The following CLMN variants were observed in gnomAD, a reference collection of about 807,000 sequenced individuals.
CLMN encodes the protein calmin, also known as calmin (calponin-like, transmembrane).
CLMN carries 57 observed loss-of-function variants against 92.7 expected under a neutral mutation model. The ratio of observed to expected loss-of-function variants is 0.61; its 90% CI spans 0.50 to 0.77. CLMN has a LOEUF of 0.77. CLMN is among the 30% of genes least tolerant of loss of function. CLMN has a pLI of 0.00. For missense variants in CLMN, 1,158 were observed against 1,237.5 expected, an observed-to-expected ratio of 0.94 and a Z score of 0.96; for synonymous variants, 466 against 470.6, an observed-to-expected ratio of 0.99 and a Z score of 0.13.
At chr14:95,231,193 C>CTT (rs59211402) in intron 1 of CLMN, among the ~76,000 whole-genome samples, 25 of 137,320 alleles carry the variant, frequency 1.8e-4, no homozygotes, top group African/African-American at 3.5e-4. Context: ...AATCCTCTAA[C>CTT]TTTTTTTTTT....
intron 1 of CLMN, among the ~76,000 whole-genome samples, chr14:95,297,919 G>A (rs1900879355): frequency 6.6e-6 from 1 of 151,794 alleles, no homozygotes; most frequent in South Asian, 2.1e-4. Flanking sequence ...CATTTCCCTT[G>A]GCAAATACCT....
chr14:95,245,213 TATATA>T (rs1898456444), intron 1 of CLMN, among the ~76,000 whole-genome samples: 1 of 31,762 alleles, frequency 3.1e-5, no homozygotes, highest in African/African-American at 1.9e-4. Context: ...ATATATTATA[TATATA>T]TATATATTAT....
intron 1 of CLMN, among the ~76,000 whole-genome samples, chr14:95,231,557 T>C (rs1381139143): frequency 1.3e-5 from 2 of 151,932 alleles, no homozygotes; most frequent in African/African-American, 2.4e-5. Context: ...CATGGAAAAA[T>C]TTTCTTCCAC....
chr14:95,245,210 A>AATATATATATATAT (rs1898450947), intron 1 of CLMN, among the ~76,000 whole-genome samples: 7 of 24,172 alleles, frequency 2.9e-4, no homozygotes, highest in Admixed American at 7.4e-4. Flanking sequence ...TATATATATT[A>AATATATATATATAT]TATATATATA....
In CLMN at chr14:95,278,398, G is replaced by C. The variant is rs993441703; in HGVS notation, c.82+41313C>G. ...AAAAGTTTTTTCTTCTTGGTGAACT[G>C]AGTCGTTTTTCTCCATCTTATCTTC... On this transcript the variant is annotated intron_variant, in intron 1 of 12. Transcript: ENST00000298912. Among the ~76,000 whole-genome samples the C allele has an allele frequency of 1.1e-4, 17 of 152,102 alleles. 1 individual carries two copies. The highest frequency in any genetic ancestry group is 1.9e-4 in the African/African-American group (8 of 41,418).
intron 12 of CLMN, among the ~76,000 whole-genome samples, chr14:95,193,601 C>G (rs904395750): frequency 7.9e-5 from 12 of 152,290 alleles, no homozygotes; most frequent in African/African-American, 2.9e-4. Flanking sequence ...AACCCAGACC[C>G]GTCTTTAAAC....
At chr14:95,219,902 A>G (rs1897473652) in intron 4 of CLMN, among the ~76,000 whole-genome samples, 1 of 152,340 alleles carries the variant, frequency 6.6e-6, no homozygotes, top group South Asian at 2.1e-4. Context: ...AATCAATTTT[A>G]GAACATTTTC....
chr14:95,264,884 G>A (rs1241253508), intron 1 of CLMN, among the ~76,000 whole-genome samples: 1 of 149,542 alleles, frequency 6.7e-6, no homozygotes, highest in Non-Finnish European at 1.5e-5. Flanking sequence ...ACCAGCCTGG[G>A]CAACATGGAT....
intron 12 of CLMN, chr14:95,193,331 C>T (rs1471438171): frequency 2.0e-6 from 3 of 1,533,744 alleles, no homozygotes; most frequent in Admixed American, 2.0e-5. Flanking sequence ...TCATAGACAT[C>T]CTGGCATGTT....
At chr14:95,264,640 T>C (rs1899398703) in intron 1 of CLMN, among the ~76,000 whole-genome samples, 1 of 152,160 alleles carries the variant, frequency 6.6e-6, no homozygotes, top group African/African-American at 2.4e-5. Context: ...CCCACTTCTA[T>C]GAGCATGTTT....
chr14:95,298,329 G>C (rs4905289), intron 1 of CLMN, among the ~76,000 whole-genome samples: 1 of 152,086 alleles, frequency 6.6e-6, no homozygotes, highest in African/African-American at 2.4e-5. Flanking sequence ...GTTCTGCTCA[G>C]CTTCTCCAGG....
At position 95,302,234 on chromosome 14, in the gene CLMN, A is replaced by G. The variant is rs537198705; in HGVS notation, c.82+17477T>C. 2.6e-5 allele frequency among the ~76,000 whole-genome samples: 4 copies of G among 152,290 alleles called. No individual in the cohort carries two copies. In the South Asian group the frequency reaches 8.3e-4, roughly 32 times the overall value. On this transcript the variant is annotated intron_variant, in intron 1 of 12. Coordinates refer to ENST00000298912, the MANE Select transcript of CLMN (RefSeq NM_024734.4). ...AGAATCGCTTGAACCCGGGAGGCAG[A>G]GGTTGCAGTGAGCCAAGATCGCGCC...
chr14:95,221,632 T>C, intron 4 of CLMN, 59 bp downstream of exon 4: 1 of 1,476,900 alleles, frequency 6.8e-7, no homozygotes, highest in South Asian at 1.2e-5. Flanking sequence ...GAACTTCAAA[T>C]GACGTCCTTT....
At chr14:95,207,124 G>C (rs1897067669) in intron 8 of CLMN, among the ~76,000 whole-genome samples, 1 of 152,000 alleles carries the variant, frequency 6.6e-6, no homozygotes, top group Admixed American at 6.6e-5. Flanking sequence ...ATATATTTAT[G>C]GAGTATAATG....
intron 1 of CLMN, among the ~76,000 whole-genome samples, chr14:95,255,750 G>A (rs998801412): frequency 4.6e-5 from 7 of 152,062 alleles, no homozygotes; most frequent in Non-Finnish European, 5.9e-5. Flanking sequence ...AGTCAGTGCC[G>A]TATTTAGTGT....
intron 1 of CLMN, among the ~76,000 whole-genome samples, chr14:95,248,224 T>A (rs1007889300): frequency 1.3e-5 from 2 of 152,264 alleles, no homozygotes; most frequent in African/African-American, 2.4e-5. Context: ...TAAAATATTT[T>A]AAAAAATCAT....
At chr14:95,216,331 G>T (rs1231867960) in intron 4 of CLMN, among the ~76,000 whole-genome samples, 1 of 152,196 alleles carries the variant, frequency 6.6e-6, no homozygotes, top group African/African-American at 2.4e-5. Flanking sequence ...CGACACGTGG[G>T]AATTATGGGA....
chr14:95,193,447 A>G, intron 12 of CLMN: 3 of 1,366,932 alleles, frequency 2.2e-6, no homozygotes, highest in Non-Finnish European at 3.0e-6. Flanking sequence ...GACAGGCGTC[A>G]GGGGCTACAG....
intron 9 of CLMN, among the ~76,000 whole-genome samples, chr14:95,201,091 T>C (rs536243310): frequency 1.3e-5 from 2 of 152,064 alleles, no homozygotes; most frequent in South Asian, 4.2e-4. Context: ...CAAACCACCA[T>C]GGCACATGTA....
Sources: gnomAD v4.1 joint callset for allele counts (sites outside exome capture counted in the v4.1 genomes callset) on GRCh38, gnomAD v4.1.1 for gene constraint, MANE v1.5 for transcripts, NCBI Gene and HGNC (gene_info 2026-07-23, HGNC 2026-07-21) for gene names.